ROCK1: variants seen among roughly 807,000 people sequenced by gnomAD.
ROCK1 encodes rho-associated protein kinase 1.
ROCK1 carries 36 observed loss-of-function variants against 196.8 expected under a neutral mutation model. That is an observed-to-expected ratio of 0.18 (90% CI 0.14 to 0.24). The LOEUF is 0.24. ROCK1 is among the 10% of genes least tolerant of loss of function. The pLI is 1.00. For synonymous variants in ROCK1, 443 were observed against 515.9 expected, an observed-to-expected ratio of 0.86 and a Z score of 1.91; for missense variants, 920 against 1,562.0, an observed-to-expected ratio of 0.59 and a Z score of 6.93.
At chr18:21,084,700 T>C (rs141626647) in intron 1 of ROCK1, among the ~76,000 whole-genome samples, 2 of 152,252 alleles carry the variant, frequency 1.3e-5, no homozygotes, top group Non-Finnish European at 2.9e-5. Flanking sequence ...CTGTGAAAAA[T>C]AGTGTATCAG....
At chr18:21,069,878 C>G (rs1219416154) in intron 2 of ROCK1, among the ~76,000 whole-genome samples, 1 of 151,662 alleles carries the variant, frequency 6.6e-6, no homozygotes, top group Non-Finnish European at 1.5e-5. Context: ...AATTGAAAAA[C>G]TAAAAGATCA....
chr18:21,101,216 C>A (rs1333054194), intron 1 of ROCK1, among the ~76,000 whole-genome samples: 1 of 152,040 alleles, frequency 6.6e-6, no homozygotes, highest in Non-Finnish European at 1.5e-5. Flanking sequence ...AAAGGAATAA[C>A]AGAATTAGAA....
At chr18:20,959,657 T>C (rs1020571402) in intron 29 of ROCK1, among the ~76,000 whole-genome samples, 183 bp downstream of exon 29, 3 of 151,582 alleles carry the variant, frequency 2.0e-5, no homozygotes, top group African/African-American at 7.3e-5. Flanking sequence ...AATAAGTATA[T>C]ACATTTTTCC....
intron 1 of ROCK1, among the ~76,000 whole-genome samples, chr18:21,072,932 A>G (rs2036397446): frequency 6.6e-6 from 1 of 151,676 alleles, no homozygotes; most frequent in Non-Finnish European, 1.5e-5. Flanking sequence ...TTAGTCAGGC[A>G]TGGTGGTGGT....
At chr18:21,088,111 T>C (rs1377973133) in intron 1 of ROCK1, among the ~76,000 whole-genome samples, 2 of 152,128 alleles carry the variant, frequency 1.3e-5, no homozygotes, top group Non-Finnish European at 2.9e-5. Context: ...TACATTGAAC[T>C]GAATGAAAAT....
chr18:21,102,667 A>G (rs998372187), intron 1 of ROCK1, among the ~76,000 whole-genome samples: 1 of 152,192 alleles, frequency 6.6e-6, no homozygotes, highest in African/African-American at 2.4e-5. Context: ...ACTTGAGACC[A>G]GCCTGGGCAA....
intron 9 of ROCK1, among the ~76,000 whole-genome samples, chr18:21,037,668 C>G (rs1171049372): frequency 6.6e-6 from 1 of 152,044 alleles, no homozygotes; most frequent in Non-Finnish European, 1.5e-5. Context: ...CTAAATCTAA[C>G]CACGCTAGAA....
At chr18:21,074,458 T>TA (rs1568402299) in intron 1 of ROCK1, among the ~76,000 whole-genome samples, 1 of 152,198 alleles carries the variant, frequency 6.6e-6, no homozygotes, top group Non-Finnish European at 1.5e-5. Flanking sequence ...TACACATACA[T>TA]AGCTGGGCTT....
chr18:21,024,226 G>GT (rs2143470089), intron 10 of ROCK1, among the ~76,000 whole-genome samples: 1 of 152,230 alleles, frequency 6.6e-6, no homozygotes, highest in South Asian at 2.1e-4. Context: ...CAGAACCAAA[G>GT]TTTAGGTGAT....
intron 1 of ROCK1, among the ~76,000 whole-genome samples, chr18:21,081,210 G>C (rs1254534942): frequency 6.6e-6 from 1 of 152,040 alleles, no homozygotes; most frequent in Non-Finnish European, 1.5e-5. Flanking sequence ...AACAATAATA[G>C]GGGAAAACTG....
chr18:21,046,112 G>A (rs1459816116), intron 4 of ROCK1, among the ~76,000 whole-genome samples: 17 of 151,712 alleles, frequency 1.1e-4, no homozygotes, highest in Non-Finnish European at 5.9e-5. Flanking sequence ...GGGTTTCACC[G>A]TGTTAGCCAG....
At chr18:21,054,153 C>G (rs1019436833) in intron 2 of ROCK1, among the ~76,000 whole-genome samples, 4 of 152,056 alleles carry the variant, frequency 2.6e-5, no homozygotes, top group African/African-American at 9.7e-5. Context: ...TCTGAATTTC[C>G]TATTATTTCA....
intron 10 of ROCK1, among the ~76,000 whole-genome samples, chr18:21,024,483 A>G (rs1272098263): frequency 6.6e-6 from 1 of 152,184 alleles, no homozygotes; most frequent in Non-Finnish European, 1.5e-5. Flanking sequence ...CGACTACCAT[A>G]ATCACTACTT....
intron 2 of ROCK1, among the ~76,000 whole-genome samples, chr18:21,057,259 C>T (rs1439582681): frequency 2.6e-5 from 4 of 152,154 alleles, no homozygotes; most frequent in African/African-American, 4.8e-5. Flanking sequence ...AAGTGAAATA[C>T]TACTATGCAA....
At chr18:21,080,647 T>C (rs989536742) in intron 1 of ROCK1, among the ~76,000 whole-genome samples, 1 of 151,946 alleles carries the variant, frequency 6.6e-6, no homozygotes, top group Non-Finnish European at 1.5e-5. Flanking sequence ...AAGTGAAAGA[T>C]GGGAAAAAAT....
chr18:20,956,911 A>T (rs1021626017), intron 29 of ROCK1, among the ~76,000 whole-genome samples: 3 of 152,218 alleles, frequency 2.0e-5, no homozygotes, highest in African/African-American at 7.2e-5. Flanking sequence ...TAACGACATG[A>T]AAGATTCTTG....
intron 13 of ROCK1, among the ~76,000 whole-genome samples, 180 bp from the exon 14 acceptor site, chr18:21,008,374 T>C (rs1326766773): frequency 6.6e-6 from 1 of 152,242 alleles, no homozygotes; most frequent in Non-Finnish European, 1.5e-5. Context: ...GCTTGCCTTT[T>C]AAGAAGACAG....
At chr18:21,098,331 G>A (rs1161388282) in intron 1 of ROCK1, among the ~76,000 whole-genome samples, 1 of 151,984 alleles carries the variant, frequency 6.6e-6, no homozygotes, top group Non-Finnish European at 1.5e-5. Flanking sequence ...AACAAACATA[G>A]GCATTTTTAA....
In ROCK1 at chr18:21,111,045, C is replaced by T; in HGVS notation, c.-135G>A. ...TCAGGGTCACCAGGTGCGCCCGGTT[C>T]CCCCGTCTTCCCCTCACTGAGGGGA... On this transcript the variant is annotated 5_prime_UTR_variant, in exon 1 of 33. Transcript: ENST00000399799. The surrounding 1 kb of genome is among the most constrained non-coding windows in gnomAD (Gnocchi z 4.2). 1.5e-6 allele frequency: 1 copy of T among 664,742 alleles called. No individual in the cohort carries two copies. The highest frequency in any genetic ancestry group is 2.6e-6 in the Non-Finnish European group (1 of 379,174). 41.2% of individuals were successfully genotyped at this position (664,742 alleles called of 1,614,324 possible).
Sources: gnomAD v4.1 joint callset for allele counts (sites outside exome capture counted in the v4.1 genomes callset) on GRCh38, gnomAD v4.1.1 for gene constraint, Gnocchi (gnomAD v3.1) non-coding constraint, MANE v1.5 for transcripts, NCBI Gene and HGNC (gene_info 2026-07-23, HGNC 2026-07-21) for gene names.